The following TTLL11 variants were observed in gnomAD, a reference collection of about 807,000 sequenced individuals.
The protein encoded by TTLL11 is tubulin tyrosine ligase like 11, also known as tubulin polyglutamylase TTLL11.
A neutral mutation model predicts 51.7 loss-of-function variants in TTLL11; 42 were observed. That is an observed-to-expected ratio of 0.81 (90% CI 0.64 to 1.05). TTLL11 has a LOEUF of 1.05. Among genes scored for constraint, TTLL11 ranks in the 50% least tolerant of loss-of-function variants. The pLI, the probability that TTLL11 is intolerant of heterozygous loss-of-function variation, is 0.00. For synonymous variants in TTLL11, 381 were observed against 383.5 expected, an observed-to-expected ratio of 0.99 and a Z score of 0.08; for missense variants, 799 against 940.4, an observed-to-expected ratio of 0.85 and a Z score of 1.97.
At chr9:122,054,171 C>T (rs971293029) in intron 1 of TTLL11, among the ~76,000 whole-genome samples, 13 of 152,190 alleles carry the variant, frequency 8.5e-5, no homozygotes, top group Non-Finnish European at 1.6e-4. Context: ...ATAATTGACT[C>T]ATATGAATGG....
chr9:121,929,625 T>A (rs1402336985), intron 6 of TTLL11, among the ~76,000 whole-genome samples: 1 of 152,204 alleles, frequency 6.6e-6, no homozygotes, highest in African/African-American at 2.4e-5. Context: ...TTCCTTATAG[T>A]TTTTTGTGCT....
chr9:121,966,353 C>T (rs1842398487), intron 6 of TTLL11, among the ~76,000 whole-genome samples: 2 of 152,182 alleles, frequency 1.3e-5, no homozygotes, highest in South Asian at 4.1e-4. Context: ...TTCTCCAAGC[C>T]TGTCTCTGTC....
chr9:122,023,378 T>G (rs1002664531), intron 3 of TTLL11, among the ~76,000 whole-genome samples: 7 of 151,828 alleles, frequency 4.6e-5, no homozygotes, highest in Admixed American at 3.3e-4. Context: ...TTTAAAGAAA[T>G]AATACCAACT....
intron 6 of TTLL11, among the ~76,000 whole-genome samples, chr9:121,941,551 G>A (rs1339247691): frequency 2.0e-5 from 3 of 152,222 alleles, no homozygotes; most frequent in East Asian, 1.9e-4. Flanking sequence ...ATTGTCAACC[G>A]CATCATTCTT....
At chr9:121,905,950 A>T (rs1221572002) in intron 6 of TTLL11, among the ~76,000 whole-genome samples, 1 of 152,222 alleles carries the variant, frequency 6.6e-6, no homozygotes, top group Non-Finnish European at 1.5e-5. Flanking sequence ...ATAAATTCAT[A>T]GTCACCAATT....
intron 6 of TTLL11, among the ~76,000 whole-genome samples, chr9:121,909,763 A>G (rs1840049896): frequency 6.6e-6 from 1 of 152,212 alleles, no homozygotes; most frequent in Non-Finnish European, 1.5e-5. Context: ...CCGGGCACTC[A>G]GCTCCCGCAG....
chr9:122,070,012 C>CAA (rs58561327), intron 1 of TTLL11, among the ~76,000 whole-genome samples: 3 of 145,516 alleles, frequency 2.1e-5, no homozygotes, highest in Non-Finnish European at 2.9e-5. Flanking sequence ...CACACACACA[C>CAA]GCGCACACAC....
intron 1 of TTLL11, among the ~76,000 whole-genome samples, chr9:122,060,552 C>A (rs1845410493): frequency 6.6e-6 from 1 of 152,168 alleles, no homozygotes; most frequent in African/African-American, 2.4e-5. Flanking sequence ...CCATATAGAT[C>A]CAAAAGGACC....
At chr9:121,851,876 A>G (rs937254086) in intron 8 of TTLL11, among the ~76,000 whole-genome samples, 4 of 152,174 alleles carry the variant, frequency 2.6e-5, no homozygotes, top group African/African-American at 4.8e-5. Flanking sequence ...CTCCCTGGAC[A>G]TGCTGTTGTT....
intron 1 of TTLL11, among the ~76,000 whole-genome samples, chr9:122,077,328 C>T (rs73662584): frequency 0.017 from 2,615 of 152,138 alleles, 60 homozygotes; most frequent in African/African-American, 0.06. Flanking sequence ...ACAACAAACG[C>T]ATATATGTTG....
chr9:121,910,167 G>A (rs1331348991), intron 6 of TTLL11, among the ~76,000 whole-genome samples: 1 of 152,198 alleles, frequency 6.6e-6, no homozygotes, highest in Non-Finnish European at 1.5e-5. Flanking sequence ...GGTCTCCCTC[G>A]CTTTGCAGAC....
intron 4 of TTLL11, among the ~76,000 whole-genome samples, chr9:121,979,119 C>T (rs1326964898): frequency 6.6e-6 from 1 of 152,214 alleles, no homozygotes; most frequent in African/African-American, 2.4e-5. Flanking sequence ...CTCTCTTGCT[C>T]ACTCACTCGG....
chr9:121,879,225 G>T (rs1454884970), intron 6 of TTLL11, among the ~76,000 whole-genome samples: 1 of 152,104 alleles, frequency 6.6e-6, no homozygotes, highest in Admixed American at 6.6e-5. Context: ...GGGAGAGACT[G>T]GTATTCACCC....
intron 6 of TTLL11, among the ~76,000 whole-genome samples, chr9:121,926,704 C>T (rs978556860): frequency 2.0e-4 from 30 of 152,184 alleles, no homozygotes; most frequent in Non-Finnish European, 4.1e-4. Context: ...TCTTCCTCCT[C>T]GAGGCTGGAG....
chr9:121,965,977 A>G (rs1318646643), intron 6 of TTLL11, among the ~76,000 whole-genome samples: 6 of 152,242 alleles, frequency 3.9e-5, no homozygotes, highest in Admixed American at 6.5e-5. Flanking sequence ...TCTACATAGA[A>G]TCTACCGGAT....
At chr9:122,062,197 C>G (rs1273193729) in intron 1 of TTLL11, among the ~76,000 whole-genome samples, 1 of 152,122 alleles carries the variant, frequency 6.6e-6, no homozygotes, top group Non-Finnish European at 1.5e-5. Flanking sequence ...CGATCTCTTA[C>G]AAAACTGTGA....
chr9:122,060,361 C>G (rs899452885), intron 1 of TTLL11, among the ~76,000 whole-genome samples: 1 of 152,174 alleles, frequency 6.6e-6, no homozygotes, highest in African/African-American at 2.4e-5. Context: ...ATGAGCCTTA[C>G]CATCCAGAAA....
At chr9:121,902,515 T>C (rs960812450) in intron 6 of TTLL11, among the ~76,000 whole-genome samples, 1 of 152,236 alleles carries the variant, frequency 6.6e-6, no homozygotes, top group Non-Finnish European at 1.5e-5. Flanking sequence ...TGTGTCCCAC[T>C]TTAGGCTTAG....
chr9:122,004,458 TC>T (rs532913382), intron 3 of TTLL11, among the ~76,000 whole-genome samples: 10 of 152,034 alleles, frequency 6.6e-5, no homozygotes, highest in Non-Finnish European at 1.5e-4. Context: ...CAAGCACTTC[TC>T]CTGCCTCAGC....
Sources: allele counts gnomAD v4.1 joint callset (sites outside exome capture counted in the v4.1 genomes callset), GRCh38; gene constraint gnomAD v4.1.1; transcripts MANE v1.5; gene names NCBI Gene and HGNC (gene_info 2026-07-23, HGNC 2026-07-21).